CENPW: variants seen among roughly 807,000 people sequenced by gnomAD.
CENPW encodes the protein cancer-up-regulated gene 2 protein.
In CENPW, 3 loss-of-function variants were observed where a neutral mutation model predicts 11.1. The ratio of observed to expected loss-of-function variants is 0.27; its 90% CI spans 0.12 to 0.70. The LOEUF (loss-of-function observed/expected upper bound fraction) is 0.70. Ranked by LOEUF, CENPW falls within the 30% of genes least tolerant of loss-of-function variation. CENPW has a pLI of 0.77. For missense variants in CENPW, 100 were observed against 105.6 expected, an observed-to-expected ratio of 0.95 and a Z score of 0.23; for synonymous variants, 38 against 42.0, an observed-to-expected ratio of 0.91 and a Z score of 0.37.
At chr6:126,354,182 T>G in the CENPW span, among the ~76,000 whole-genome samples, 1 of 152,118 alleles carries the variant, frequency 6.6e-6, no homozygotes, top group African/African-American at 2.4e-5. Context: ...CACAGAGGGA[T>G]CATTTTTTCC....
the CENPW span, among the ~76,000 whole-genome samples, chr6:126,404,860 T>G: frequency 6.6e-6 from 1 of 151,832 alleles, no homozygotes; most frequent in Non-Finnish European, 1.5e-5. Flanking sequence ...TTGGGTTTTT[T>G]TTTTTTTTTG....
At chr6:126,454,718 G>A in the CENPW span, among the ~76,000 whole-genome samples, 3 of 150,864 alleles carry the variant, frequency 2.0e-5, no homozygotes, top group South Asian at 4.2e-4. Flanking sequence ...GAAACAATCA[G>A]AATCAGAGCT....
chr6:126,482,309 G>A, the CENPW span, among the ~76,000 whole-genome samples: 3 of 151,902 alleles, frequency 2.0e-5, no homozygotes, highest in African/African-American at 4.8e-5. Context: ...CTTCCAGCAA[G>A]TATAATACCT....
At chr6:126,346,124 G>T in intron 1 of CENPW, 81 bp from the exon 2 acceptor site, 1 of 668,758 alleles carries the variant, frequency 1.5e-6, no homozygotes, top group Non-Finnish European at 2.6e-6. Context: ...AATACATTTT[G>T]AGATAACTAA....
the CENPW span, among the ~76,000 whole-genome samples, chr6:126,391,307 A>C: frequency 2.0e-5 from 3 of 151,816 alleles, no homozygotes; most frequent in Non-Finnish European, 4.4e-5. Context: ...CTCATTTTCT[A>C]ATCAGATTAT....
At chr6:126,406,671 G>A in the CENPW span, among the ~76,000 whole-genome samples, 1 of 151,996 alleles carries the variant, frequency 6.6e-6, no homozygotes, top group Non-Finnish European at 1.5e-5. Flanking sequence ...GGCCAATATG[G>A]TGAAACCCCG....
the CENPW span, among the ~76,000 whole-genome samples, chr6:126,449,343 G>A: frequency 6.6e-6 from 1 of 151,008 alleles, no homozygotes; most frequent in Non-Finnish European, 1.5e-5. Flanking sequence ...AGAGAACAAA[G>A]ACTGGGACTT....
chr6:126,350,553 TA>T (rs1780480053), downstream of CENPW, among the ~76,000 whole-genome samples: 1 of 152,186 alleles, frequency 6.6e-6, no homozygotes, highest in Non-Finnish European at 1.5e-5. Context: ...GATTTCAATG[TA>T]AGAATTTTGG....
At chr6:126,430,310 T>A in the CENPW span, among the ~76,000 whole-genome samples, 1 of 152,224 alleles carries the variant, frequency 6.6e-6, no homozygotes, top group African/African-American at 2.4e-5. Flanking sequence ...TATAACTCTC[T>A]TAAGTGAAAT....
chr6:126,403,014 ATAT>A, the CENPW span, among the ~76,000 whole-genome samples: 2 of 152,028 alleles, frequency 1.3e-5, no homozygotes, highest in Non-Finnish European at 2.9e-5. Context: ...TTCATACACA[ATAT>A]TATTATGTCT....
the CENPW span, among the ~76,000 whole-genome samples, chr6:126,440,590 T>C: frequency 2.0e-3 from 301 of 151,594 alleles, 1 homozygote; most frequent in Admixed American, 6.5e-3. Flanking sequence ...ATAGAGAACA[T>C]GTTATAGATG....
At chr6:126,475,904 C>T in the CENPW span, among the ~76,000 whole-genome samples, 1 of 151,922 alleles carries the variant, frequency 6.6e-6, no homozygotes, top group African/African-American at 2.4e-5. Flanking sequence ...TAGAAATTAT[C>T]GAGTTGCCAC....
chr6:126,371,997 C>T, the CENPW span, among the ~76,000 whole-genome samples: 1 of 152,026 alleles, frequency 6.6e-6, no homozygotes, highest in South Asian at 2.1e-4. Flanking sequence ...GTTAATCTCA[C>T]AGTGGTCTAT....
At chr6:126,472,493 C>A in the CENPW span, among the ~76,000 whole-genome samples, 1 of 152,148 alleles carries the variant, frequency 6.6e-6, no homozygotes, top group Non-Finnish European at 1.5e-5. Flanking sequence ...ATCAATAGTT[C>A]ATTCCTTTTA....
chr6:126,379,017 T>C, the CENPW span, among the ~76,000 whole-genome samples: 1 of 152,200 alleles, frequency 6.6e-6, no homozygotes, highest in Non-Finnish European at 1.5e-5. Flanking sequence ...TTTGGGTAGA[T>C]AATTGGCACT....
the CENPW span, among the ~76,000 whole-genome samples, chr6:126,446,796 C>G: frequency 1.3e-5 from 2 of 151,098 alleles, no homozygotes; most frequent in African/African-American, 2.4e-5. Flanking sequence ...AGTTTTTTCT[C>G]TATGTATTCA....
the CENPW span, among the ~76,000 whole-genome samples, chr6:126,420,703 C>A: frequency 6.6e-6 from 1 of 152,080 alleles, no homozygotes; most frequent in African/African-American, 2.4e-5. Flanking sequence ...AAAATGTCCT[C>A]TGTGAGGCTA....
At chr6:126,478,516 A>G in the CENPW span, among the ~76,000 whole-genome samples, 1 of 151,952 alleles carries the variant, frequency 6.6e-6, no homozygotes, top group Non-Finnish European at 1.5e-5. Context: ...AGAATTGTAG[A>G]GAGAGTAAAA....
chr6:126,378,191 A>T, the CENPW span, among the ~76,000 whole-genome samples: 4 of 152,212 alleles, frequency 2.6e-5, no homozygotes. Flanking sequence ...AAGTGGTGTT[A>T]TTTCTAGTTG....
Sources: gnomAD v4.1 joint callset for allele counts (sites outside exome capture counted in the v4.1 genomes callset) on GRCh38, gnomAD v4.1.1 for gene constraint, MANE v1.5 for transcripts, NCBI Gene and HGNC (gene_info 2026-07-23, HGNC 2026-07-21) for gene names.